PATL2: variants seen among roughly 807,000 people sequenced by gnomAD.
PATL2 encodes the protein protein PAT1 homolog 2.
Under a neutral mutation model 77.0 loss-of-function variants are expected in PATL2, and 73 were observed. That is an observed-to-expected ratio of 0.95 (90% CI 0.78 to 1.15). The LOEUF (loss-of-function observed/expected upper bound fraction) is 1.15, where lower values mean the gene tolerates loss of function less well. Ranked by LOEUF, PATL2 falls within the 50% of genes most tolerant of loss-of-function variation. The probability of loss-of-function intolerance (pLI) is 0.00; values close to 1 mark genes in which losing one functional copy is unlikely to be tolerated. For synonymous variants in PATL2, 265 were observed against 257.1 expected (o/e 1.03, Z -0.29); for missense variants, 618 against 655.4 (o/e 0.94, Z 0.62).
At chr15:44,676,058 T>TA (rs1157859403) in intron 4 of PATL2, 1 of 316,200 alleles carries the variant, frequency 3.2e-6, no homozygotes, top group African/African-American at 2.2e-5. Flanking sequence ...ACCCGGCAGA[T>TA]ACCAAACACC....
chr15:44,709,571 A>T (rs2086809458), intron 3 of PATL2, among the ~76,000 whole-genome samples: 1 of 152,216 alleles, frequency 6.6e-6, no homozygotes, highest in East Asian at 1.9e-4. Context: ...TAGACTTCCC[A>T]AATTTGCCAT....
chr15:44,666,342 TA>T, intron 17 of PATL2, 49 bp downstream of exon 17: 1 of 1,544,562 alleles, frequency 6.5e-7, no homozygotes, highest in Non-Finnish European at 8.8e-7. Flanking sequence ...TAACAGAACA[TA>T]GATTGGGCTT....
intron 15 of PATL2, 169 bp from the exon 16 acceptor site, chr15:44,667,372 A>T: frequency 1.7e-6 from 1 of 589,700 alleles, no homozygotes; most frequent in South Asian, 2.0e-5. Flanking sequence ...AGAACTCTCT[A>T]ACCCTTTCCA....
At chr15:44,699,650 T>C (rs1345606114) in intron 3 of PATL2, among the ~76,000 whole-genome samples, 2 of 152,228 alleles carry the variant, frequency 1.3e-5, no homozygotes, top group African/African-American at 4.8e-5. Context: ...ATTTAAGTCT[T>C]TATTCCATTT....
chr15:44,671,517 C>G (rs2085676387), intron 9 of PATL2, among the ~76,000 whole-genome samples: 1 of 150,938 alleles, frequency 6.6e-6, no homozygotes, highest in South Asian at 2.1e-4. Flanking sequence ...AGAAAGATAA[C>G]AGCCTAGACA....
At chr15:44,671,169 T>C (rs960970774) in intron 9 of PATL2, among the ~76,000 whole-genome samples, 1 of 152,052 alleles carries the variant, frequency 6.6e-6, no homozygotes, top group Non-Finnish European at 1.5e-5. Flanking sequence ...GGGCACTGGA[T>C]GGGAGGCTCC....
At chr15:44,677,389 C>T (rs1430285422) in intron 3 of PATL2, among the ~76,000 whole-genome samples, 2 of 152,128 alleles carry the variant, frequency 1.3e-5, no homozygotes, top group Admixed American at 1.3e-4. Flanking sequence ...TGATGAGAGA[C>T]CCCTGTGAAT....
rs1272591469 is a variant in PATL2 at position 44,668,433 on chromosome 15, G to A, written c.1274C>T (p.Thr425Ile). 1.9e-6 allele frequency: 3 copies of A among 1,551,340 alleles called. No homozygotes were observed. Among genetic ancestry groups the A allele is most frequent in the South Asian group, 2.4e-5 (2 of 84,046 alleles). Residue 425 changes from threonine (T) to isoleucine (I), a missense_variant, in exon 15 of 18, where the codon ACC (threonine) becomes ATC (isoleucine). Physicochemically the swap from Thr to Ile is moderately conservative, Grantham distance 89. Transcript: ENST00000682850. ...KPLGKCISHL[T>I]LHELLQGLQG... ...AAGTCCTTGGAGGAGTTCGTGGAGG[G>A]TCAAGTGACTAATACATTTGCCCAG...
At chr15:44,695,014 G>A (rs1016555052) in intron 3 of PATL2, among the ~76,000 whole-genome samples, 4 of 151,850 alleles carry the variant, frequency 2.6e-5, no homozygotes, top group Admixed American at 2.0e-4. Context: ...GGTGAAACCC[G>A]GTCTCTACTA....
chr15:44,675,557 C>G lies in PATL2; in HGVS notation c.151G>C (p.Asp51His), dbSNP rs1175379469. The change falls in exon 5 of 18, where the codon GAC becomes CAC. Residue 51 changes from aspartate to histidine, a missense_variant. Physicochemically the swap from Asp to His is moderately conservative, Grantham distance 81. Coordinates refer to ENST00000682850, the MANE Select transcript of PATL2 (RefSeq NM_001387263.1). Reference sequence around the variant, plus strand: ...TTCTCTTCCTCCTCTAGGTCTGGGTCCAGATCTGGGTCCAGATCCTCCTCG... The same window carrying G: ...TTCTCTTCCTCCTCTAGGTCTGGGTGCAGATCTGGGTCCAGATCCTCCTCG... ...EDEEDLDPDL[D>H]PDLEEEENDL... is the part of the protein sequence containing the mutation. 6.4e-7 allele frequency: 1 copy of G among 1,551,692 alleles called. No homozygotes were observed. The highest frequency in any genetic ancestry group is 8.7e-7 in the Non-Finnish European group (1 of 1,146,976).
At chr15:44,676,126 T>A (rs2085943407) in intron 4 of PATL2, 1 of 373,758 alleles carries the variant, frequency 2.7e-6, no homozygotes, top group South Asian at 3.0e-5. Flanking sequence ...GCCTTTTCCA[T>A]CTGCTCTGCC....
At chr15:44,676,881 G>A (rs2085986483) in intron 3 of PATL2, 34 of 1,078,902 alleles carry the variant, frequency 3.2e-5, no homozygotes, top group South Asian at 8.2e-5. Flanking sequence ...GACTGTTGCT[G>A]TCCTTTCTGT....
intron 3 of PATL2, among the ~76,000 whole-genome samples, chr15:44,692,632 G>A (rs962910972): frequency 1.1e-4 from 17 of 152,266 alleles, no homozygotes; most frequent in Admixed American, 3.9e-4. Context: ...ATCCTTGAAC[G>A]ACTGTGGTGA....
intron 3 of PATL2, among the ~76,000 whole-genome samples, chr15:44,703,723 CTTTTTTT>C (rs933165876): frequency 1.8e-3 from 59 of 33,010 alleles, no homozygotes; most frequent in Non-Finnish European, 2.3e-3. Context: ...CCGGGTCTTG[CTTTTTTT>C]TTTTTTTTTT....
intron 3 of PATL2, among the ~76,000 whole-genome samples, chr15:44,703,004 G>A (rs987240922): frequency 9.9e-5 from 15 of 152,086 alleles, no homozygotes; most frequent in African/African-American, 2.9e-4. Context: ...GGCCAGGCAC[G>A]GTGGCTCATG....
chr15:44,681,419 C>G (rs2086132119), intron 3 of PATL2, among the ~76,000 whole-genome samples: 1 of 152,316 alleles, frequency 6.6e-6, no homozygotes, highest in Non-Finnish European at 1.5e-5. Context: ...CCTTGGATCT[C>G]TGTGCTCCCA....
Position 44,695,098 on chromosome 15 carries a change from G to A in PATL2, c.-76+14998C>T, listed in dbSNP as rs375235675. On this transcript the variant is annotated intron_variant, in intron 3 of 17. Coordinates refer to ENST00000682850, the MANE Select transcript of PATL2 (RefSeq NM_001387263.1). ...AGCTACTCAGGAAGCTGAGGCAGAA[G>A]AATCACTTGAACCCGGGAGGTGGAG... Among the ~76,000 whole-genome samples the A allele has an allele frequency of 3.5e-4, 53 of 151,902 alleles. 2 individuals are homozygous for A. In the East Asian group the frequency reaches 8.1e-3, roughly 23 times the overall value.
At chr15:44,695,137 G>A (rs989886130) in intron 3 of PATL2, among the ~76,000 whole-genome samples, 11 of 151,132 alleles carry the variant, frequency 7.3e-5, no homozygotes, top group African/African-American at 1.9e-4. Context: ...GCAGTGAGCC[G>A]AAGATTGCAC....
rs2085770287 is a variant in PATL2 at position 44,673,102 on chromosome 15, G to A, written c.446+133C>T. ...CTCCCTGGGGCTAATTTGTGAGGGA[G>A]ACGGAATTAGACTATACCTCAGACT... On this transcript the variant is annotated intron_variant, in intron 7 of 17. Transcript: ENST00000682850. The A allele has an allele frequency of 4.2e-6, 5 of 1,199,062 alleles. No homozygotes were observed. The South Asian group carries it at 6.4e-5, about 15-fold the overall frequency. 74.3% of individuals were successfully genotyped at this position (1,199,062 alleles called of 1,614,324 possible).
Sources: gnomAD v4.1 joint callset for allele counts (sites outside exome capture counted in the v4.1 genomes callset) on GRCh38, gnomAD v4.1.1 for gene constraint, MANE v1.5 for transcripts, NCBI Gene and HGNC (gene_info 2026-07-23, HGNC 2026-07-21) for gene names.